The following TAFA1 variants were observed in gnomAD, a reference collection of about 807,000 sequenced individuals.
The protein encoded by TAFA1 is chemokine-like protein TAFA-1.
Under a neutral mutation model 18.5 loss-of-function variants are expected in TAFA1, and 4 were observed. That is an observed-to-expected ratio of 0.22 (90% CI 0.11 to 0.49). The LOEUF (loss-of-function observed/expected upper bound fraction) is 0.49. TAFA1 is among the 20% of genes least tolerant of loss of function. TAFA1 has a pLI of 0.98. For synonymous variants in TAFA1, 56 were observed against 55.2 expected (o/e 1.01, Z -0.06); for missense variants, 147 against 169.0 (o/e 0.87, Z 0.72).
chr3:68,342,589 C>T (rs112678601), intron 2 of TAFA1, among the ~76,000 whole-genome samples: 6 of 152,246 alleles, frequency 3.9e-5, no homozygotes, highest in African/African-American at 7.2e-5. Flanking sequence ...AAGTAATTTT[C>T]GAGCTGAATG....
chr3:68,423,385 A>G (rs35256017), intron 3 of TAFA1, among the ~76,000 whole-genome samples: 11,768 of 152,176 alleles, frequency 0.077, 1,036 homozygotes, highest in African/African-American at 0.21. Context: ...GTCATGGCAT[A>G]GCCAGAAGGT....
At chr3:68,229,509 T>C (rs2066844599) in intron 2 of TAFA1, among the ~76,000 whole-genome samples, 1 of 152,228 alleles carries the variant, frequency 6.6e-6, no homozygotes, top group African/African-American at 2.4e-5. Flanking sequence ...TGTTTTGTTT[T>C]GGAGTGGGCT....
At chr3:68,183,994 A>G (rs1004961488) in intron 2 of TAFA1, among the ~76,000 whole-genome samples, 1 of 152,174 alleles carries the variant, frequency 6.6e-6, no homozygotes, top group African/African-American at 2.4e-5. Flanking sequence ...CCCCTTCATT[A>G]CGATTTAATG....
intron 2 of TAFA1, among the ~76,000 whole-genome samples, chr3:68,195,950 A>T (rs2066404919): frequency 6.6e-6 from 1 of 151,724 alleles, no homozygotes; most frequent in African/African-American, 2.4e-5. Context: ...CATGTCACTT[A>T]TAATGTACAT....
intron 3 of TAFA1, among the ~76,000 whole-genome samples, chr3:68,443,473 C>CAAAAAAAAAAAAAAAAAAAAAAAAAAA (rs56944130): frequency 1.0e-5 from 1 of 96,102 alleles, no homozygotes; most frequent in Non-Finnish European, 2.2e-5. Context: ...GGGCAATTTA[C>CAAAAAAAAAAAAAAAAAAAAAAAAAAA]AAAAAAAAAA....
intron 3 of TAFA1, among the ~76,000 whole-genome samples, chr3:68,457,076 A>G (rs1449425769): frequency 6.6e-6 from 1 of 152,220 alleles, no homozygotes; most frequent in Non-Finnish European, 1.5e-5. Flanking sequence ...GTTCACTTGG[A>G]GATAATTAGA....
chr3:68,091,412 C>T (rs1477335159), intron 2 of TAFA1, among the ~76,000 whole-genome samples: 1 of 152,112 alleles, frequency 6.6e-6, no homozygotes, highest in East Asian at 1.9e-4. Flanking sequence ...TCTCACTTCT[C>T]CAGTGCTTTA....
At chr3:68,468,688 A>C (rs1324787226) in intron 3 of TAFA1, among the ~76,000 whole-genome samples, 1 of 152,214 alleles carries the variant, frequency 6.6e-6, no homozygotes, top group Non-Finnish European at 1.5e-5. Flanking sequence ...TTTCAATTAC[A>C]GTATTTGTGC....
intron 2 of TAFA1, among the ~76,000 whole-genome samples, chr3:68,338,955 C>G (rs1298045901): frequency 6.6e-6 from 1 of 152,212 alleles, no homozygotes; most frequent in East Asian, 1.9e-4. Context: ...AGGGCAGCAT[C>G]TTCCTAGGGC....
intron 3 of TAFA1, among the ~76,000 whole-genome samples, chr3:68,536,879 C>A (rs2073285932): frequency 6.6e-6 from 1 of 152,204 alleles, no homozygotes; most frequent in South Asian, 2.1e-4. Flanking sequence ...TAAAAGGTAA[C>A]CACAACTCAT....
chr3:68,398,307 A>G (rs2070423527), intron 2 of TAFA1, among the ~76,000 whole-genome samples: 1 of 152,232 alleles, frequency 6.6e-6, no homozygotes, highest in Non-Finnish European at 1.5e-5. Flanking sequence ...CCTGACAAAA[A>G]CAAGCAATGG....
intron 3 of TAFA1, among the ~76,000 whole-genome samples, chr3:68,534,304 G>A (rs544559842): frequency 3.9e-5 from 6 of 152,136 alleles, no homozygotes; most frequent in Admixed American, 2.0e-4. Context: ...ATTTCTCTTC[G>A]CCTTCTTCCA....
At chr3:68,516,783 CT>C (rs948746903) in intron 3 of TAFA1, among the ~76,000 whole-genome samples, 3 of 151,238 alleles carry the variant, frequency 2.0e-5, no homozygotes, top group Non-Finnish European at 4.4e-5. Context: ...ATTGTTCCTT[CT>C]TTTTTTTTGA....
chr3:68,054,017 T>G (rs2064503497), intron 2 of TAFA1, among the ~76,000 whole-genome samples: 1 of 152,156 alleles, frequency 6.6e-6, no homozygotes, highest in Admixed American at 6.6e-5. Flanking sequence ...CTTTTACATT[T>G]TAAAAAGTAT....
Position 68,544,522 on chromosome 3 carries a change from T to C in TAFA1, c.*19T>C. 1 of 1,611,968 alleles carries C rather than the reference T, an allele frequency of 6.2e-7. No homozygotes were observed. The highest frequency in any genetic ancestry group is 8.5e-7 in the Non-Finnish European group (1 of 1,178,464). On this transcript the variant is annotated 3_prime_UTR_variant, in exon 5 of 5. Coordinates refer to ENST00000478136, the MANE Select transcript of TAFA1 (RefSeq NM_213609.4). ...AACCTAACAGAAGCATTTGTGGTAG[T>C]AAAGGAAAACCAACCCTCTGGAAAA...
intron 2 of TAFA1, among the ~76,000 whole-genome samples, chr3:68,030,327 A>G (rs755734506): frequency 2.6e-5 from 4 of 151,948 alleles, no homozygotes; most frequent in Non-Finnish European, 4.4e-5. Context: ...TTGTTACATA[A>G]GTATATATAT....
chr3:68,091,890 C>T (rs2065033897), intron 2 of TAFA1, among the ~76,000 whole-genome samples: 1 of 152,130 alleles, frequency 6.6e-6, no homozygotes, highest in South Asian at 2.1e-4. Flanking sequence ...CAAGTATCTC[C>T]TATAACAGTT....
chr3:68,233,964 G>A (rs548245397), intron 2 of TAFA1, among the ~76,000 whole-genome samples: 57 of 152,240 alleles, frequency 3.7e-4, no homozygotes, highest in Admixed American at 1.4e-3. Flanking sequence ...AGAAAAGACC[G>A]AAACTGGCAG....
At chr3:68,107,819 A>G (rs1385786099) in intron 2 of TAFA1, among the ~76,000 whole-genome samples, 3 of 152,184 alleles carry the variant, frequency 2.0e-5, no homozygotes, top group African/African-American at 7.2e-5. Context: ...TTCAAAGAGC[A>G]AATGTCTTTT....
Sources: gnomAD v4.1 joint callset for allele counts (sites outside exome capture counted in the v4.1 genomes callset) on GRCh38, gnomAD v4.1.1 for gene constraint, MANE v1.5 for transcripts, NCBI Gene and HGNC (gene_info 2026-07-23, HGNC 2026-07-21) for gene names.